The following CREG1 variants were observed in gnomAD, a reference collection of about 807,000 sequenced individuals.
CREG1 encodes the protein cellular repressor of E1A stimulated genes 1.
A neutral mutation model predicts 19.9 loss-of-function variants in CREG1; 20 were observed. The ratio of observed to expected loss-of-function variants is 1.01; its 90% confidence interval spans 0.71 to 1.46. The LOEUF is 1.46. Among genes scored for constraint, CREG1 ranks in the 40% most tolerant of loss-of-function variants. The pLI is 0.00. For synonymous variants in CREG1, 141 were observed against 143.3 expected, an observed-to-expected ratio of 0.98 and a Z score of 0.12; for missense variants, 290 against 314.9, an observed-to-expected ratio of 0.92 and a Z score of 0.60.
At chr1:167,546,641 CA>C (rs1252904833) in intron 2 of CREG1, among the ~76,000 whole-genome samples, 142 of 139,156 alleles carry the variant, frequency 1.0e-3, no homozygotes, top group Admixed American at 1.4e-3. Context: ...GACTCCATCT[CA>C]AAAAAAAAAA....
intron 1 of CREG1, 122 bp downstream of exon 1, chr1:167,553,266 G>C (rs1656454256): frequency 1.3e-6 from 1 of 781,390 alleles, no homozygotes; most frequent in Non-Finnish European, 1.8e-6. Context: ...CTGCGCGGCA[G>C]AGAAGCAACA....
At chr1:167,552,091 G>C (rs2102153166) in intron 1 of CREG1, among the ~76,000 whole-genome samples, 1 of 152,336 alleles carries the variant, frequency 6.6e-6, no homozygotes, top group South Asian at 2.1e-4. Context: ...GACATATTCA[G>C]CTGATGGGCC....
intron 3 of CREG1, among the ~76,000 whole-genome samples, chr1:167,545,338 A>AT (rs1399109504): frequency 6.6e-6 from 1 of 151,504 alleles, no homozygotes; most frequent in Non-Finnish European, 1.5e-5. Context: ...GCTCAAAAAA[A>AT]TTTTTTTTTC....
rs1399097802 is a variant in CREG1 at position 167,548,042 on chromosome 1, G to A, written c.434C>T (p.Pro145Leu). 6.2e-7 allele frequency: 1 copy of A among 1,613,490 alleles called. No individual in the cohort carries two copies. Among genetic ancestry groups the A allele is most frequent in the East Asian group, 2.2e-5 (1 of 44,874 alleles). The stretch of plus-strand genomic sequence containing the variant: ...TGACAGCATTATGTGAACACAAAGG[G>A]GACTTTGTGGATCAAATCCATGTTT... ...CKKHGFDPQS[P>L]LCVHIMLSGT... The change falls in exon 2 of 4, where the codon CCC becomes CTC. Residue 145 changes from proline to leucine, a missense_variant. Coordinates refer to ENST00000370509, the MANE Select transcript of CREG1 (RefSeq NM_003851.3).
chr1:167,553,342 C>A, intron 1 of CREG1, 46 bp downstream of exon 1: 1 of 1,299,436 alleles, frequency 7.7e-7, no homozygotes, highest in Non-Finnish European at 9.9e-7. Context: ...GCTCTGTGGC[C>A]GCCCCGCCCA....
At chr1:167,546,022 G>A in intron 3 of CREG1, 79 bp downstream of exon 3, 1 of 1,297,382 alleles carries the variant, frequency 7.7e-7, no homozygotes, top group Non-Finnish European at 1.0e-6. Context: ...ACATGAAACG[G>A]TTAAACCCCC....
At chr1:167,545,742 G>A (rs545392048) in intron 3 of CREG1, among the ~76,000 whole-genome samples, 37 of 151,912 alleles carry the variant, frequency 2.4e-4, no homozygotes, top group Non-Finnish European at 4.1e-4. Flanking sequence ...GTAGGTGGAG[G>A]CTGCAATGAG....
intron 3 of CREG1, among the ~76,000 whole-genome samples, chr1:167,545,273 G>C (rs1328776155): frequency 6.6e-6 from 1 of 152,114 alleles, no homozygotes; most frequent in Non-Finnish European, 1.5e-5. Flanking sequence ...CCTTAAAATG[G>C]AGTCTCAACC....
intron 2 of CREG1, among the ~76,000 whole-genome samples, 174 bp from the exon 3 acceptor site, chr1:167,546,459 C>T (rs572224669): frequency 3.9e-5 from 6 of 151,984 alleles, no homozygotes; most frequent in African/African-American, 9.7e-5. Context: ...TTGGCTAACA[C>T]GGTGAAACCC....
chr1:167,545,420 C>T (rs754863135), intron 3 of CREG1, among the ~76,000 whole-genome samples: 18 of 152,144 alleles, frequency 1.2e-4, no homozygotes, highest in Non-Finnish European at 2.5e-4. Context: ...CACAGGGTGA[C>T]AGCCTATCTG....
intron 1 of CREG1, among the ~76,000 whole-genome samples, chr1:167,550,829 A>G (rs2102152567): frequency 6.6e-6 from 1 of 152,274 alleles, no homozygotes; most frequent in South Asian, 2.1e-4. Context: ...AATGTATACA[A>G]CGAGAGTGTA....
intron 1 of CREG1, 23 bp from the exon 2 acceptor site, chr1:167,548,144 C>G (rs1339124412): frequency 1.9e-6 from 3 of 1,571,936 alleles, no homozygotes; most frequent in Non-Finnish European, 8.7e-7. Context: ...AATGAAGATC[C>G]TCTCATGTGA....
intron 1 of CREG1, among the ~76,000 whole-genome samples, chr1:167,550,845 T>C (rs909639479): frequency 2.0e-5 from 3 of 152,046 alleles, no homozygotes; most frequent in Admixed American, 1.3e-4. Flanking sequence ...GTGTATACAA[T>C]CTTCTGAGGA....
At chr1:167,542,858 A>G (rs571773662) in intron 3 of CREG1, among the ~76,000 whole-genome samples, 1 of 152,176 alleles carries the variant, frequency 6.6e-6, no homozygotes, top group Non-Finnish European at 1.5e-5. Context: ...GCTAGGAAAT[A>G]TCCGGATGTG....
chr1:167,543,240 C>T (rs112720640), intron 3 of CREG1, among the ~76,000 whole-genome samples: 13,260 of 72,948 alleles, frequency 0.18, 827 homozygotes, highest in Admixed American at 0.33. Flanking sequence ...GAGTGAGACT[C>T]CATCTCAAAA....
intron 3 of CREG1, among the ~76,000 whole-genome samples, chr1:167,544,960 C>G (rs12022039): frequency 0.068 from 10,304 of 152,210 alleles, 443 homozygotes; most frequent in Middle Eastern, 0.13. Context: ...TCATTTGAAC[C>G]CTTAGCTAAC....
chr1:167,542,937 A>AATGCTT (rs1304205237), intron 3 of CREG1, among the ~76,000 whole-genome samples: 4 of 152,196 alleles, frequency 2.6e-5, no homozygotes, highest in Non-Finnish European at 5.9e-5. Flanking sequence ...GGTCAAAAGC[A>AATGCTT]ATGCTTATGC....
intron 1 of CREG1, among the ~76,000 whole-genome samples, chr1:167,549,680 G>A (rs1487423289): frequency 6.8e-6 from 1 of 147,648 alleles, no homozygotes; most frequent in Non-Finnish European, 1.5e-5. Context: ...ACCGCACCTG[G>A]CCTGCAATAT....
intron 1 of CREG1, among the ~76,000 whole-genome samples, chr1:167,553,055 A>G (rs1476233734): frequency 6.8e-6 from 1 of 146,958 alleles, no homozygotes; most frequent in East Asian, 2.0e-4. Context: ...TCAAAGGGAA[A>G]AAAAAAAAAA....
Sources: allele counts gnomAD v4.1 joint callset (sites outside exome capture counted in the v4.1 genomes callset), GRCh38; gene constraint gnomAD v4.1.1; transcripts MANE v1.5; gene names NCBI Gene and HGNC (gene_info 2026-07-23, HGNC 2026-07-21).